Variants in UTP18 observed in about 807,000 individuals in gnomAD.
UTP18 encodes UTP18 small subunit processome component.
Under a neutral mutation model 61.1 loss-of-function variants are expected in UTP18, and 36 were observed. The observed-to-expected ratio is 0.59, with a 90% CI of 0.45 to 0.78. The LOEUF (loss-of-function observed/expected upper bound fraction) is 0.78, where lower values mean the gene tolerates loss of function less well. Among genes scored for constraint, UTP18 ranks in the 30% least tolerant of loss-of-function variants. The pLI is 0.00. For missense variants in UTP18, 753 were observed against 693.9 expected, an observed-to-expected ratio of 1.09 and a Z score of -0.96; for synonymous variants, 282 against 251.1, an observed-to-expected ratio of 1.12 and a Z score of -1.16.
rs1905299052 is a variant in UTP18, at chr17:51,294,045, G to A, written c.1646G>A (p.Arg549Lys). Reference protein sequence around the residue: ...GNEKGKALMYRLHHYSDF With the variant: ...GNEKGKALMYKLHHYSDF ...GAAAAGGGCAAGGCCCTGATGTATA[G>A]GTAGGTATTATTTATGTTTAAAAGT... The change falls in exon 12 of 14, where the codon AGG (arginine) becomes AAG (lysine). Residue 549 changes from arginine to lysine, a missense_variant and splice_region_variant. Arg to Lys is a conservative substitution (Grantham distance 26). Transcript: ENST00000225298. 1.3e-6 allele frequency: 2 copies of A among 1,583,656 alleles called. No homozygotes were observed. Among genetic ancestry groups the A allele is most frequent in the African/African-American group, 1.4e-5 (1 of 73,122 alleles).
intron 4 of UTP18, among the ~76,000 whole-genome samples, chr17:51,270,512 A>G (rs911325515): frequency 6.6e-6 from 1 of 152,210 alleles, no homozygotes. Flanking sequence ...AATCCCACAG[A>G]TCCCAGTGGC....
chr17:51,261,489 C>T (rs1242263276), intron 1 of UTP18, among the ~76,000 whole-genome samples: 2 of 152,178 alleles, frequency 1.3e-5, no homozygotes, highest in Non-Finnish European at 2.9e-5. Flanking sequence ...ATACTTTTTG[C>T]ACACATTTTG....
At chr17:51,280,211 G>A in intron 8 of UTP18, 106 bp downstream of exon 8, 1 of 1,338,264 alleles carries the variant, frequency 7.5e-7, no homozygotes, top group Non-Finnish European at 1.0e-6. Context: ...TCCAAGTAGA[G>A]GAGCACAGGT....
At chr17:51,272,990 A>T (rs997775754) in intron 4 of UTP18, among the ~76,000 whole-genome samples, 5 of 152,246 alleles carry the variant, frequency 3.3e-5, no homozygotes, top group African/African-American at 1.2e-4. Context: ...AAACTAGATC[A>T]GTAGCCAACC....
chr17:51,289,299 C>T (rs1218228728), intron 11 of UTP18, among the ~76,000 whole-genome samples: 2 of 150,988 alleles, frequency 1.3e-5, no homozygotes, highest in Non-Finnish European at 2.9e-5. Context: ...TGGGTTCAAG[C>T]GATTCTTCTG....
At chr17:51,260,982 C>T in intron 1 of UTP18, 56 bp downstream of exon 1, 9 of 1,384,946 alleles carry the variant, frequency 6.5e-6, no homozygotes, top group Non-Finnish European at 8.4e-6. Flanking sequence ...GCGCGGTGGG[C>T]GGTGAAGCTC....
intron 7 of UTP18, among the ~76,000 whole-genome samples, chr17:51,279,068 TA>T (rs1250401750): frequency 1.3e-5 from 2 of 152,212 alleles, no homozygotes; most frequent in Non-Finnish European, 2.9e-5. Flanking sequence ...TTTCTCTAAT[TA>T]ATATTGTAAC....
chr17:51,285,525 TC>T (rs1348958359), intron 10 of UTP18, among the ~76,000 whole-genome samples, 157 bp downstream of exon 10: 2 of 152,214 alleles, frequency 1.3e-5, no homozygotes, highest in Admixed American at 1.3e-4. Context: ...CATTTTATCA[TC>T]TTTGTGCAGT....
At chr17:51,269,836 GTAT>G (rs1032533399) in intron 4 of UTP18, among the ~76,000 whole-genome samples, 8 of 113,608 alleles carry the variant, frequency 7.0e-5, no homozygotes, top group African/African-American at 1.4e-4. Context: ...ATCAAATAAT[GTAT>G]TGTGTGTGTG....
chr17:51,295,474 T>C (rs1056767817), intron 12 of UTP18, among the ~76,000 whole-genome samples: 8 of 152,240 alleles, frequency 5.3e-5, no homozygotes, highest in African/African-American at 1.9e-4. Context: ...CCCCATTTTT[T>C]GTTTTTGTCA....
At chr17:51,279,342 C>T (rs1398046782) in intron 7 of UTP18, among the ~76,000 whole-genome samples, 2 of 152,088 alleles carry the variant, frequency 1.3e-5, no homozygotes, top group Admixed American at 6.6e-5. Flanking sequence ...TCAATATGAA[C>T]CTTTCAGTCA....
chr17:51,280,620 C>T (rs1597849294), intron 9 of UTP18, 141 bp downstream of exon 9: 8 of 726,168 alleles, frequency 1.1e-5, no homozygotes, highest in East Asian at 8.3e-5. Flanking sequence ...TAAGATCAGC[C>T]TGGCCAACAT....
At chr17:51,268,428 T>C (rs548538478) in intron 3 of UTP18, among the ~76,000 whole-genome samples, 81 of 152,250 alleles carry the variant, frequency 5.3e-4, no homozygotes, top group Non-Finnish European at 9.1e-4. Context: ...TAATGAAGTT[T>C]TGTATATTCT....
At position 51,260,863 on chromosome 17, in the gene UTP18, G is replaced by A. The variant is rs749250452; in HGVS notation, c.279G>A (p.Glu93=). 29 of 1,601,808 alleles carry A rather than the reference G, an allele frequency of 1.8e-5. No individual in the cohort carries two copies. In the Admixed American group the frequency reaches 4.1e-4, roughly 23 times the overall value. The change falls in exon 1 of 14, where the codon GAG becomes GAA. Residue 93 remains glutamate (E), a synonymous_variant. Transcript: ENST00000225298. ...DKPAVERCLE[E]LVFGDVENDE... Reference sequence around the variant, plus strand: ...CGGCCGTGGAGCGGTGCTTGGAGGAGCTGGTCTTCGGCGACGTCGAGAACG... The same window carrying A: ...CGGCCGTGGAGCGGTGCTTGGAGGAACTGGTCTTCGGCGACGTCGAGAACG...
chr17:51,271,350 A>G (rs1432130531), intron 4 of UTP18, among the ~76,000 whole-genome samples: 1 of 151,922 alleles, frequency 6.6e-6, no homozygotes, highest in Non-Finnish European at 1.5e-5. Context: ...TCTATCGCCC[A>G]GTCTGGAGTG....
intron 3 of UTP18, 33 bp from the exon 4 acceptor site, chr17:51,268,804 C>T: frequency 6.3e-7 from 1 of 1,587,834 alleles, no homozygotes; most frequent in Non-Finnish European, 8.6e-7. Flanking sequence ...GTAGTGGTTG[C>T]CATAAATATA....
At chr17:51,262,981 G>A (rs2055522584) in intron 1 of UTP18, among the ~76,000 whole-genome samples, 2 of 152,126 alleles carry the variant, frequency 1.3e-5, no homozygotes, top group Non-Finnish European at 2.9e-5. Context: ...TTTTTCATCT[G>A]CAGACTCATC....
chr17:51,274,495 G>A (rs1904647288), intron 5 of UTP18, among the ~76,000 whole-genome samples: 1 of 152,148 alleles, frequency 6.6e-6, no homozygotes, highest in South Asian at 2.1e-4. Flanking sequence ...AGGCTGGAGT[G>A]CAAGGGCGTG....
chr17:51,289,607 A>C (rs1250905187), intron 11 of UTP18, among the ~76,000 whole-genome samples: 1 of 152,106 alleles, frequency 6.6e-6, no homozygotes, highest in African/African-American at 2.4e-5. Context: ...GAAGTTTCCT[A>C]ATCTTCAGGC....
Sources: gnomAD v4.1 joint callset for allele counts (sites outside exome capture counted in the v4.1 genomes callset) on GRCh38, gnomAD v4.1.1 for gene constraint, MANE v1.5 for transcripts, NCBI Gene and HGNC (gene_info 2026-07-23, HGNC 2026-07-21) for gene names.